SHOC2: variants seen among roughly 807,000 people sequenced by gnomAD.
The protein encoded by SHOC2 is SHOC2 leucine rich repeat scaffold protein.
SHOC2 carries 4 observed loss-of-function variants against 50.2 expected under a neutral mutation model. The ratio of observed to expected loss-of-function variants is 0.08; its 90% confidence interval spans 0.04 to 0.18. The LOEUF (loss-of-function observed/expected upper bound fraction) is 0.18, where lower values mean the gene tolerates loss of function less well. SHOC2 is among the 10% of genes least tolerant of loss of function. SHOC2 has a pLI of 1.00. For synonymous variants in SHOC2, 218 were observed against 244.5 expected, an observed-to-expected ratio of 0.89 and a Z score of 1.01; for missense variants, 388 against 669.6, an observed-to-expected ratio of 0.58 and a Z score of 4.64.
At chr10:110,936,980 C>T (rs747764492) in intron 1 of SHOC2, 20 of 1,459,692 alleles carry the variant, frequency 1.4e-5, no homozygotes, top group Non-Finnish European at 1.8e-5. Flanking sequence ...CAGCATACTT[C>T]GCACAGTCAG....
chr10:110,944,384 CAAAA>C (rs11386096), intron 1 of SHOC2, among the ~76,000 whole-genome samples: 113 of 135,962 alleles, frequency 8.3e-4, no homozygotes, highest in Non-Finnish European at 1.3e-3. Context: ...ATCTTTGAGC[CAAAA>C]AAAAAAAAAA....
intron 1 of SHOC2, among the ~76,000 whole-genome samples, chr10:110,948,364 C>G (rs1847288089): frequency 6.6e-6 from 1 of 152,152 alleles, no homozygotes; most frequent in African/African-American, 2.4e-5. Flanking sequence ...AAATAACAGA[C>G]TTGAACAACA....
intron 2 of SHOC2, among the ~76,000 whole-genome samples, chr10:110,966,756 T>C (rs1847682731): frequency 1.3e-5 from 2 of 152,142 alleles, no homozygotes; most frequent in Admixed American, 6.5e-5. Flanking sequence ...TATTCCTAAA[T>C]TGTAATTTTA....
In SHOC2 at chr10:110,964,214, G is replaced by T; in HGVS notation, c.-145G>T. The T allele has an allele frequency of 7.9e-7, 1 of 1,266,092 alleles. No individual in the cohort carries two copies. Among genetic ancestry groups the T allele is most frequent in the Admixed American group, 2.7e-5 (1 of 37,114 alleles). The allele number at this position is 1,266,092 out of a possible 1,614,324, so 78.4% of individuals were successfully genotyped here. On this transcript the variant is annotated 5_prime_UTR_variant, in exon 2 of 9. It removes an upstream start codon present in the reference 5' UTR. Coordinates refer to ENST00000369452, the MANE Select transcript of SHOC2 (RefSeq NM_007373.4). The surrounding 1 kb of genome is among the most constrained non-coding windows in gnomAD (Gnocchi z 4.9). ...GGCATAGTGCTTTTAGATCCAACAT[G>T]TAACAGATGGATGTTACTCCATGCT...
intron 2 of SHOC2, among the ~76,000 whole-genome samples, chr10:110,966,750 C>G (rs1035297053): frequency 1.3e-5 from 2 of 152,002 alleles, no homozygotes; most frequent in East Asian, 3.8e-4. Context: ...GACCTTTATT[C>G]CTAAATTGTA....
chr10:110,948,061 G>T (rs551491573), intron 1 of SHOC2, among the ~76,000 whole-genome samples: 9 of 152,276 alleles, frequency 5.9e-5, no homozygotes, highest in Non-Finnish European at 1.2e-4. Context: ...GTAACCAGAA[G>T]AGAATGGGGT....
At chr10:110,966,221 GTTTAA>G (rs1018499280) in intron 2 of SHOC2, among the ~76,000 whole-genome samples, 2 of 151,842 alleles carry the variant, frequency 1.3e-5, no homozygotes, top group Non-Finnish European at 2.9e-5. Context: ...TTAAATTTTG[GTTTAA>G]TTTAATGTGT....
intron 5 of SHOC2, among the ~76,000 whole-genome samples, chr10:111,005,236 T>G (rs956747375): frequency 6.6e-6 from 1 of 152,134 alleles, no homozygotes; most frequent in African/African-American, 2.4e-5. Flanking sequence ...ATGGCACCAC[T>G]GCACTCCAGC....
At chr10:111,002,037 C>CT (rs1848386595) in intron 4 of SHOC2, among the ~76,000 whole-genome samples, 1 of 150,070 alleles carries the variant, frequency 6.7e-6, no homozygotes, top group African/African-American at 2.5e-5. Context: ...CAAAGGGAGA[C>CT]TTTGTCTCAA....
intron 3 of SHOC2, among the ~76,000 whole-genome samples, chr10:110,994,042 G>A (rs996917695): frequency 2.0e-5 from 3 of 152,036 alleles, no homozygotes; most frequent in Non-Finnish European, 4.4e-5. Context: ...TTGTTACAAT[G>A]GATCAACTTT....
chr10:110,949,128 G>C (rs77623217), intron 1 of SHOC2, among the ~76,000 whole-genome samples: 9,279 of 152,150 alleles, frequency 0.061, 328 homozygotes, highest in East Asian at 0.1. Flanking sequence ...AAATGAAATA[G>C]GGACTAGAAC....
chr10:110,959,219 T>C (rs910649369), intron 1 of SHOC2, among the ~76,000 whole-genome samples: 3 of 152,326 alleles, frequency 2.0e-5, no homozygotes, highest in Admixed American at 6.5e-5. Flanking sequence ...CAAACTGATA[T>C]AGACGTGTTA....
chr10:110,937,988 G>GA (rs1847062528), intron 1 of SHOC2, among the ~76,000 whole-genome samples: 1 of 152,144 alleles, frequency 6.6e-6, no homozygotes, highest in Admixed American at 6.5e-5. Flanking sequence ...AACTGAATCT[G>GA]AAAATTAAAC....
At chr10:111,008,409 G>A (rs1415096477) in intron 6 of SHOC2, among the ~76,000 whole-genome samples, 1 of 151,474 alleles carries the variant, frequency 6.6e-6, no homozygotes, top group Non-Finnish European at 1.5e-5. Flanking sequence ...AAAAACATGG[G>A]CTTTGAAGTC....
chr10:110,943,222 A>G (rs1240740380), intron 1 of SHOC2, among the ~76,000 whole-genome samples: 2 of 149,330 alleles, frequency 1.3e-5, no homozygotes, highest in East Asian at 3.9e-4. Context: ...ATGATATTCC[A>G]CAGGTCTCTG....
chr10:110,967,776 A>G (rs900671923), intron 2 of SHOC2, among the ~76,000 whole-genome samples: 1 of 152,194 alleles, frequency 6.6e-6, no homozygotes, highest in East Asian at 1.9e-4. Context: ...TTCAAGTCTC[A>G]TCAAGGTTGT....
intron 2 of SHOC2, among the ~76,000 whole-genome samples, chr10:110,970,991 T>A (rs998439889): frequency 2.6e-5 from 4 of 152,092 alleles, no homozygotes; most frequent in African/African-American, 9.7e-5. Flanking sequence ...TATATTTTCT[T>A]TCATTCTGCA....
chr10:110,937,116 C>A (rs1590783495), intron 1 of SHOC2: 4 of 1,472,510 alleles, frequency 2.7e-6, no homozygotes, highest in African/African-American at 1.4e-5. Flanking sequence ...ATGTTGATGC[C>A]TTTGCAGCGT....
At chr10:110,967,581 A>G (rs750880769) in intron 2 of SHOC2, among the ~76,000 whole-genome samples, 10 of 152,224 alleles carry the variant, frequency 6.6e-5, no homozygotes, top group East Asian at 1.9e-4. Context: ...AACATTTTCA[A>G]TACCTCCAAA....
Sources: gnomAD v4.1 joint callset for allele counts (sites outside exome capture counted in the v4.1 genomes callset) on GRCh38, gnomAD v4.1.1 for gene constraint, Gnocchi (gnomAD v3.1) non-coding constraint, MANE v1.5 for transcripts, NCBI Gene and HGNC (gene_info 2026-07-23, HGNC 2026-07-21) for gene names.